MAX: variants seen among roughly 807,000 people sequenced by gnomAD.
MAX encodes MYC associated transcriptional regulator X.
MAX carries 3 observed loss-of-function variants against 22.3 expected under a neutral mutation model. The observed-to-expected ratio is 0.13, with a 90% CI of 0.06 to 0.35. The LOEUF (loss-of-function observed/expected upper bound fraction) is 0.35, where lower values mean the gene tolerates loss of function less well. Among genes scored for constraint, MAX ranks in the 10% least tolerant of loss-of-function variants. The pLI is 1.00. For missense variants in MAX, 119 were observed against 209.4 expected, an observed-to-expected ratio of 0.57 and a Z score of 2.66; for synonymous variants, 72 against 77.7, an observed-to-expected ratio of 0.93 and a Z score of 0.39.
chr14:65,074,636 G>GGACC (rs1452910283), downstream of MAX, among the ~76,000 whole-genome samples: 1 of 152,224 alleles, frequency 6.6e-6, no homozygotes, highest in Non-Finnish European at 1.5e-5. Context: ...GGCTGGTGTT[G>GGACC]GGTCCCAGTC....
rs1482975333 is a variant in MAX at position 65,054,488 on chromosome 14, C to T, written c.171+39220G>A. On this transcript the variant is annotated intron_variant, in intron 3 of 3. Coordinates refer to the MAX transcript ENST00000341653. The surrounding 1 kb of genome is among the most constrained non-coding windows in gnomAD (Gnocchi z 4.4). The stretch of plus-strand genomic sequence containing the variant: ...GAGGATGGGGGGGGACGTGTGATTG[C>T]ACCAGTGGTCTCTGAATTGGTGTGG... 1.5e-6 allele frequency: 2 copies of T among 1,339,424 alleles called. No homozygotes were observed. The highest frequency in any genetic ancestry group is 2.5e-5 in the East Asian group (1 of 39,690). The allele number at this position is 1,339,424 out of a possible 1,614,324, so 83.0% of individuals were successfully genotyped here.
Position 65,054,487 on chromosome 14 carries a change from G to A in MAX, c.171+39221C>T, listed in dbSNP as rs979660034. ...GGAGGATGGGGGGGGACGTGTGATT[G>A]CACCAGTGGTCTCTGAATTGGTGTG... On this transcript the variant is annotated intron_variant, in intron 3 of 3. Coordinates refer to the MAX transcript ENST00000341653. The surrounding 1 kb of genome is among the most constrained non-coding windows in gnomAD (Gnocchi z 4.4). 2 of 1,311,120 alleles carry A rather than the reference G, an allele frequency of 1.5e-6. No individual in the cohort carries two copies. The highest frequency in any genetic ancestry group is 2.9e-5 in the African/African-American group (2 of 68,488). 81.2% of individuals were successfully genotyped at this position (1,311,120 alleles called of 1,614,324 possible). A position where few individuals can be genotyped will look rare whatever the true frequency, so the allele number is the denominator to read the frequency against.
At position 65,084,983 on chromosome 14, in the gene MAX, C is replaced by T. The variant is rs969419280; in HGVS notation, c.172-6947G>A. 8.6e-5 allele frequency among the ~76,000 whole-genome samples: 13 copies of T among 151,936 alleles called. No homozygotes were observed. In the East Asian group the frequency reaches 9.7e-4, roughly 11 times the overall value. ...CACATTAAATGGGGCAGGGGGGGTA[C>T]GGAGAGTCTATTTTTGGATTATACT... On this transcript the variant is annotated intron_variant, in intron 3 of 4. Transcript: ENST00000358664. The surrounding 1 kb of genome is among the most constrained non-coding windows in gnomAD (Gnocchi z 4.3).
chr14:65,012,488 CAG>C lies in MAX; in HGVS notation c.172-6206_172-6205del. On this transcript the variant is annotated intron_variant, in intron 3 of 3. Transcript: ENST00000341653. This position sits in a 1 kb window ranked among gnomAD's most constrained non-coding sequence, Gnocchi z 5.0. ...AAAGACTGTTGGGGCTGACCTGTTG[CAG>C]AGTCACTCTTTGTTCTCTGTGGCTC... 1.4e-6 allele frequency: 2 copies of C among 1,479,158 alleles called. No individual in the cohort carries two copies. The highest frequency in any genetic ancestry group is 1.9e-6 in the Non-Finnish European group (2 of 1,080,510). The allele number at this position is 1,479,158 out of a possible 1,614,324, so 91.6% of individuals were successfully genotyped here.
chr14:65,027,876 G>A lies in MAX; in HGVS notation c.172-21592C>T, dbSNP rs2062012640. 3 of 1,523,266 alleles carry A rather than the reference G, an allele frequency of 2.0e-6. No individual in the cohort carries two copies. The highest frequency in any genetic ancestry group is 2.7e-6 in the Non-Finnish European group (3 of 1,114,182). The allele number at this position is 1,523,266 out of a possible 1,614,324, so 94.4% of individuals were successfully genotyped here. On this transcript the variant is annotated intron_variant, in intron 3 of 3. Transcript: ENST00000341653. This position sits in a 1 kb window ranked among gnomAD's most constrained non-coding sequence, Gnocchi z 5.7. ...GCCTAAGGAACATCATGGGGAAGCT[G>A]CTGCTTTGTCCCAGAATGACACATG...
chr14:65,101,820 C>T (rs1304516842), intron 1 of MAX: 1 of 578,136 alleles, frequency 1.7e-6, no homozygotes, highest in East Asian at 2.9e-5. Context: ...GGGTCCCGAG[C>T]ACTGTCTCCT....
chr14:65,044,975 A>T lies in MAX; in HGVS notation c.172-38691T>A. On this transcript the variant is annotated intron_variant, in intron 3 of 3. Transcript: ENST00000341653. This position sits in a 1 kb window ranked among gnomAD's most constrained non-coding sequence, Gnocchi z 5.5. The stretch of plus-strand genomic sequence containing the variant: ...GACTGGCTGCAGAGTTGTCACTATT[A>T]GAAATGTTTTATTTTACATTCATTG... Among the ~76,000 whole-genome samples the T allele has an allele frequency of 6.6e-6, 1 of 152,204 alleles. No homozygotes were observed. Among genetic ancestry groups the T allele is most frequent in the Admixed American group, 6.5e-5 (1 of 15,286 alleles).
intron 3 of MAX, among the ~76,000 whole-genome samples, chr14:65,038,694 G>A (rs371908700): frequency 2.0e-5 from 3 of 152,208 alleles, no homozygotes; most frequent in South Asian, 4.2e-4. Context: ...CTCCAGCCTC[G>A]GCATCAGAGC....
In MAX at chr14:65,032,632, G is replaced by A. The variant is rs1343748144; in HGVS notation, c.172-26348C>T. On this transcript the variant is annotated intron_variant, in intron 3 of 3. Transcript: ENST00000341653. This position sits in a 1 kb window ranked among gnomAD's most constrained non-coding sequence, Gnocchi z 5.0. ...CAGAAGCGCATACTGTGCTGCCTCC[G>A]TAGCCTCGCTGACCAACATCATCAC... 10 of 1,613,668 alleles carry A rather than the reference G, an allele frequency of 6.2e-6. No homozygotes were observed. Among genetic ancestry groups the A allele is most frequent in the African/African-American group, 2.7e-5 (2 of 74,914 alleles).
chr14:65,040,604 CTTTTTTTTTT>C (rs35890649), intron 3 of MAX, among the ~76,000 whole-genome samples: 20 of 117,326 alleles, frequency 1.7e-4, no homozygotes, highest in Non-Finnish European at 3.1e-4. Context: ...CCAGGCCCAG[CTTTTTTTTTT>C]TTTTTTTTTT....
intron 3 of MAX, among the ~76,000 whole-genome samples, chr14:65,008,581 C>T (rs762756985): frequency 3.3e-5 from 5 of 152,202 alleles, no homozygotes; most frequent in Non-Finnish European, 7.3e-5. Context: ...AGGCTTCTTA[C>T]AGAAAGTGAC....
At chr14:65,058,233 A>G (rs1274073792) in intron 3 of MAX, among the ~76,000 whole-genome samples, 1 of 147,892 alleles carries the variant, frequency 6.8e-6, no homozygotes, top group Non-Finnish European at 1.5e-5. Flanking sequence ...TTTTTTTTAT[A>G]ATTTTTTCCA....
At chr14:65,045,963 TC>T (rs1354857825) in intron 3 of MAX, among the ~76,000 whole-genome samples, 1 of 152,140 alleles carries the variant, frequency 6.6e-6, no homozygotes, top group African/African-American at 2.4e-5. Context: ...AGTCAGGAAT[TC>T]CCCAAGTCAA....
chr14:65,070,910 C>A (rs183561301), downstream of MAX, among the ~76,000 whole-genome samples: 313 of 152,330 alleles, frequency 2.1e-3, 1 homozygote, highest in African/African-American at 7.3e-3. This position sits in a 1 kb window ranked among gnomAD's most constrained non-coding sequence, Gnocchi z 4.4. Flanking sequence ...AGGGCAAAGT[C>A]GCCAGTATGT....
chr14:65,054,525 G>C lies in MAX; in HGVS notation c.171+39183C>G, dbSNP rs756615929. 18 of 1,558,680 alleles carry C rather than the reference G, an allele frequency of 1.2e-5. No individual in the cohort carries two copies. The highest frequency in any genetic ancestry group is 1.5e-5 in the Non-Finnish European group (17 of 1,144,250). ...CTGAATTGGTGTGGCTACATTTGTA[G>C]ATGTGTGCGGAGCAGAGGAGCGCCT... is the stretch of plus-strand genomic sequence containing the variant. On this transcript the variant is annotated intron_variant, in intron 3 of 3. Transcript: ENST00000341653. The surrounding 1 kb of genome is among the most constrained non-coding windows in gnomAD (Gnocchi z 4.4).
Position 65,009,424 on chromosome 14 carries a change from C to T in MAX, c.172-3140G>A, listed in dbSNP as rs1237505158. Among the ~76,000 whole-genome samples, 4 of 152,160 alleles carry T rather than the reference C, an allele frequency of 2.6e-5. No homozygotes were observed. The highest frequency in any genetic ancestry group is 4.4e-5 in the Non-Finnish European group (3 of 68,026). ...CACACCCACCACCGTGGCCACTCCA[C>T]AGCTCTCCCACCATCTTGACTCCTA... On this transcript the variant is annotated intron_variant, in intron 3 of 3. Transcript: ENST00000341653. The surrounding 1 kb of genome is among the most constrained non-coding windows in gnomAD (Gnocchi z 4.2).
At position 65,027,605 on chromosome 14, in the gene MAX, G is replaced by C; in HGVS notation, c.172-21321C>G. 1 of 1,614,178 alleles carries C rather than the reference G, an allele frequency of 6.2e-7. No homozygotes were observed. The highest frequency in any genetic ancestry group is 8.5e-7 in the Non-Finnish European group (1 of 1,180,016). ...GCCTATGACATCATTAACAGGTACA[G>C]TGAAAGCCAGCAGTGACAGAAACCT... On this transcript the variant is annotated intron_variant, in intron 3 of 3. Coordinates refer to the MAX transcript ENST00000341653. This position sits in a 1 kb window ranked among gnomAD's most constrained non-coding sequence, Gnocchi z 5.7.
intron 3 of MAX, among the ~76,000 whole-genome samples, chr14:65,035,888 G>T (rs1015592435): frequency 5.9e-5 from 9 of 151,724 alleles, no homozygotes; most frequent in Non-Finnish European, 8.8e-5. Context: ...CTGGATTGCA[G>T]TGATATGATC....
chr14:65,101,203 A>C (rs2063821683), intron 2 of MAX, among the ~76,000 whole-genome samples: 1 of 152,234 alleles, frequency 6.6e-6, no homozygotes, highest in Non-Finnish European at 1.5e-5. Flanking sequence ...TCTTCTGACC[A>C]CTTTGCCCTG....
Sources: allele counts gnomAD v4.1 joint callset (sites outside exome capture counted in the v4.1 genomes callset), GRCh38; gene constraint gnomAD v4.1.1; non-coding constraint Gnocchi (gnomAD v3.1); transcripts MANE v1.5; gene names NCBI Gene and HGNC (gene_info 2026-07-23, HGNC 2026-07-21).